Variants in SKIC2 observed in about 807,000 individuals in gnomAD.
The protein encoded by SKIC2 is SKI2 subunit of superkiller complex, also known as superkiller complex protein 2.
At chr6:31,960,887 A>G in the SKIC2 span, 566 of 872,736 alleles carry the variant, frequency 6.5e-4, 1 homozygote, top group Admixed American at 1.7e-3. Flanking sequence ...GGAAATTTCT[A>G]CAACAACCTT....
chr6:31,964,125 G>GGTGCGTCTGT, the SKIC2 span: 63 of 1,612,538 alleles, frequency 3.9e-5, no homozygotes, highest in Middle Eastern at 1.6e-4. This position sits in a 1 kb window ranked among gnomAD's most constrained non-coding sequence, Gnocchi z 5.0. Context: ...AGCTGCCCCA[G>GGTGCGTCTGT]GTGCGTCTGT....
At chr6:31,964,154 A>G in the SKIC2 span, 2 of 1,610,906 alleles carry the variant, frequency 1.2e-6, no homozygotes, top group Non-Finnish European at 1.7e-6. The surrounding 1 kb of genome is among the most constrained non-coding windows in gnomAD (Gnocchi z 5.0). Context: ...GTGTGCGTGC[A>G]TGCACACATT....
the SKIC2 span, chr6:31,967,116 T>C: frequency 6.8e-6 from 11 of 1,611,896 alleles, no homozygotes; most frequent in Non-Finnish European, 9.3e-6. This position sits in a 1 kb window ranked among gnomAD's most constrained non-coding sequence, Gnocchi z 4.9. Context: ...GGGGAGGAAC[T>C]GACAGAGACC....
the SKIC2 span, chr6:31,962,703 CTT>C: frequency 6.2e-7 from 1 of 1,612,368 alleles, no homozygotes; most frequent in South Asian, 1.1e-5. The surrounding 1 kb of genome is among the most constrained non-coding windows in gnomAD (Gnocchi z 5.0). Flanking sequence ...TCCTTGGCCT[CTT>C]CTCCCCAGCT....
the SKIC2 span, chr6:31,960,782 C>A: frequency 4.9e-6 from 7 of 1,431,896 alleles, no homozygotes; most frequent in South Asian, 5.4e-5. Flanking sequence ...GAGGAAGAGC[C>A]CAGGCTATCA....
chr6:31,962,962 C>T, the SKIC2 span: 6 of 1,578,200 alleles, frequency 3.8e-6, no homozygotes, highest in Non-Finnish European at 5.2e-6. The surrounding 1 kb of genome is among the most constrained non-coding windows in gnomAD (Gnocchi z 5.0). Context: ...CTCATGTGAC[C>T]TCCCTTCCCT....
the SKIC2 span, chr6:31,963,123 AG>A: frequency 1.2e-5 from 17 of 1,419,858 alleles, no homozygotes; most frequent in Non-Finnish European, 1.7e-5. The surrounding 1 kb of genome is among the most constrained non-coding windows in gnomAD (Gnocchi z 5.3). Context: ...GCCTGGGTGA[AG>A]GGGGCTACAG....
At chr6:31,959,565 A>G in the SKIC2 span, 459,770 of 611,354 alleles carry the variant, frequency 0.75, 175,478 homozygotes, top group African/African-American at 0.91. Flanking sequence ...CCTGCAGTAC[A>G]TGTGAGGACA....
the SKIC2 span, chr6:31,962,567 T>C: frequency 5.6e-6 from 9 of 1,613,666 alleles, no homozygotes; most frequent in Non-Finnish European, 7.6e-6. The surrounding 1 kb of genome is among the most constrained non-coding windows in gnomAD (Gnocchi z 5.0). Flanking sequence ...TGCCTCATCA[T>C]GACCACAGAG....
chr6:31,968,513 T>G, the SKIC2 span: 1 of 1,612,532 alleles, frequency 6.2e-7, no homozygotes, highest in Non-Finnish European at 8.5e-7. This position sits in a 1 kb window ranked among gnomAD's most constrained non-coding sequence, Gnocchi z 6.1. Flanking sequence ...GCTCAGTGTG[T>G]ACACAGCCCC....
chr6:31,965,536 G>T, the SKIC2 span, among the ~76,000 whole-genome samples: 1 of 152,220 alleles, frequency 6.6e-6, no homozygotes, highest in African/African-American at 2.4e-5. This position sits in a 1 kb window ranked among gnomAD's most constrained non-coding sequence, Gnocchi z 5.6. Flanking sequence ...ACATTGGAAT[G>T]ATTGCAGTCA....
At chr6:31,969,233 G>A in the SKIC2 span, 2 of 1,607,876 alleles carry the variant, frequency 1.2e-6, no homozygotes, top group Non-Finnish European at 8.5e-7. The surrounding 1 kb of genome is among the most constrained non-coding windows in gnomAD (Gnocchi z 6.1). Flanking sequence ...GTCCTTCCCT[G>A]TCCTGGAGCA....
the SKIC2 span, chr6:31,961,875 T>G: frequency 6.2e-7 from 1 of 1,609,796 alleles, no homozygotes; most frequent in Non-Finnish European, 8.5e-7. Context: ...CCCCGCTCCT[T>G]TCTTCAGCTC....
the SKIC2 span, chr6:31,961,877 C>T: frequency 7.4e-6 from 12 of 1,610,844 alleles, no homozygotes; most frequent in Non-Finnish European, 1.0e-5. Flanking sequence ...CCGCTCCTTT[C>T]TTCAGCTCCT....
At chr6:31,969,148 C>G in the SKIC2 span, 9 of 1,558,598 alleles carry the variant, frequency 5.8e-6, no homozygotes, top group Non-Finnish European at 7.9e-6. The surrounding 1 kb of genome is among the most constrained non-coding windows in gnomAD (Gnocchi z 6.1). Context: ...CCTTCACCTT[C>G]AGGTAGTCCC....
chr6:31,969,122 G>C, the SKIC2 span: 2 of 1,593,886 alleles, frequency 1.3e-6, no homozygotes, highest in Non-Finnish European at 1.7e-6. The surrounding 1 kb of genome is among the most constrained non-coding windows in gnomAD (Gnocchi z 6.1). Context: ...CCCTGCCAGG[G>C]CTGTGGCATT....
chr6:31,960,602 G>T, the SKIC2 span: 3 of 1,580,578 alleles, frequency 1.9e-6, no homozygotes, highest in South Asian at 2.2e-5. Context: ...TCCAGGGAAG[G>T]GTTCCCCACC....
At chr6:31,967,409 G>GCTTGCTCCCTCCCACCCTC in the SKIC2 span, 1 of 1,526,824 alleles carries the variant, frequency 6.5e-7, no homozygotes, top group Non-Finnish European at 9.1e-7. The surrounding 1 kb of genome is among the most constrained non-coding windows in gnomAD (Gnocchi z 4.9). Context: ...ACTCCAGAGG[G>GCTTGCTCCCTCCCACCCTC]TGGGAGGGAG....
the SKIC2 span, chr6:31,961,827 G>T: frequency 3.2e-6 from 5 of 1,573,892 alleles, no homozygotes; most frequent in Non-Finnish European, 4.3e-6. Context: ...GCCTTCATCC[G>T]CCCGCCCTGC....
Sources: allele counts gnomAD v4.1 joint callset (sites outside exome capture counted in the v4.1 genomes callset), GRCh38; gene constraint gnomAD v4.1.1; non-coding constraint Gnocchi (gnomAD v3.1); transcripts MANE v1.5; gene names NCBI Gene and HGNC (gene_info 2026-07-23, HGNC 2026-07-21).